PAPSS2: variants seen among roughly 807,000 people sequenced by gnomAD.
PAPSS2 encodes bifunctional 3'-phosphoadenosine 5'-phosphosulfate synthase 2.
Under a neutral mutation model 66.5 loss-of-function variants are expected in PAPSS2, and 61 were observed. The ratio of observed to expected loss-of-function variants is 0.92; its 90% confidence interval spans 0.75 to 1.14. PAPSS2 has a LOEUF of 1.14. Ranked by LOEUF, PAPSS2 falls within the 50% of genes most tolerant of loss-of-function variation. PAPSS2 has a pLI of 0.00. For missense variants in PAPSS2, 708 were observed against 789.6 expected (o/e 0.90, Z 1.24); for synonymous variants, 289 against 287.5 (o/e 1.01, Z -0.05).
chr10:87,710,201 A>G lies in PAPSS2; in HGVS notation c.145+888A>G, dbSNP rs564385273. 2.6e-5 allele frequency among the ~76,000 whole-genome samples: 4 copies of G among 152,336 alleles called. No homozygotes were observed. The South Asian group carries it at 8.3e-4, about 32-fold the overall frequency. On this transcript the variant is annotated intron_variant, in intron 2 of 12. Transcript: ENST00000456849. ...TCTGGCAGGTGGGGACCTGCCTTGC[A>G]TCTTTTCTTGCTGTCCTAAATCTTT...
chr10:87,667,585 T>G (rs1464404087), intron 1 of PAPSS2, among the ~76,000 whole-genome samples: 1 of 152,230 alleles, frequency 6.6e-6, no homozygotes, highest in Non-Finnish European at 1.5e-5. Flanking sequence ...ATAAAATGGA[T>G]TCCATCAGTT....
chr10:87,678,461 A>G (rs1271961223), intron 1 of PAPSS2, among the ~76,000 whole-genome samples: 1 of 152,198 alleles, frequency 6.6e-6, no homozygotes, highest in Admixed American at 6.5e-5. Context: ...ATATTAAACT[A>G]AAAAGCTTCT....
Position 87,666,279 on chromosome 10 carries a change from G to T in PAPSS2, c.27+6271G>T, listed in dbSNP as rs539629366. Among the ~76,000 whole-genome samples, 4 of 152,004 alleles carry T rather than the reference G, an allele frequency of 2.6e-5. No homozygotes were observed. The South Asian group carries it at 8.3e-4, about 32-fold the overall frequency. On this transcript the variant is annotated intron_variant, in intron 1 of 12. Coordinates refer to ENST00000456849, the MANE Select transcript of PAPSS2 (RefSeq NM_001015880.2). The stretch of plus-strand genomic sequence containing the variant: ...ATGCTCATCCTGTTGTTTTAAATTT[G>T]ATTATTTTATGTTATTACTAGCATT...
At chr10:87,704,295 G>A (rs1051523960) in intron 1 of PAPSS2, among the ~76,000 whole-genome samples, 1 of 152,172 alleles carries the variant, frequency 6.6e-6, no homozygotes, top group African/African-American at 2.4e-5. Flanking sequence ...CTATGTTAGA[G>A]TCATTCCTTC....
intron 10 of PAPSS2, among the ~76,000 whole-genome samples, chr10:87,743,105 G>T (rs555651678): frequency 2.6e-5 from 4 of 152,270 alleles, no homozygotes; most frequent in Non-Finnish European, 5.9e-5. Flanking sequence ...AATTAGCCGG[G>T]TGTGGTGGCA....
intron 9 of PAPSS2, among the ~76,000 whole-genome samples, chr10:87,737,086 T>C (rs1425920453): frequency 6.6e-6 from 1 of 152,118 alleles, no homozygotes; most frequent in Non-Finnish European, 1.5e-5. Flanking sequence ...AATTCTAGAG[T>C]TCTGGGTACC....
At chr10:87,683,559 G>A (rs936125440) in intron 1 of PAPSS2, among the ~76,000 whole-genome samples, 1 of 152,228 alleles carries the variant, frequency 6.6e-6, no homozygotes, top group Non-Finnish European at 1.5e-5. Context: ...AGGGTTCCTA[G>A]AAATGATGAT....
intron 8 of PAPSS2, among the ~76,000 whole-genome samples, chr10:87,726,689 T>G (rs952875592): frequency 7.9e-5 from 12 of 152,144 alleles, no homozygotes; most frequent in South Asian, 2.1e-4. Flanking sequence ...TGATTAGTAT[T>G]AAAAAAGACA....
chr10:87,661,318 A>G (rs1027341533), intron 1 of PAPSS2, among the ~76,000 whole-genome samples: 2 of 152,052 alleles, frequency 1.3e-5, no homozygotes, highest in Admixed American at 6.6e-5. Context: ...GGGAAGGGAC[A>G]TTTATCAAAA....
chr10:87,681,227 T>G (rs944621240), intron 1 of PAPSS2, among the ~76,000 whole-genome samples: 2 of 152,186 alleles, frequency 1.3e-5, no homozygotes, highest in African/African-American at 2.4e-5. Context: ...TATACCACCA[T>G]TTATTTCTCT....
chr10:87,727,630 C>A, intron 9 of PAPSS2, 141 bp downstream of exon 9: 1 of 778,680 alleles, frequency 1.3e-6, no homozygotes. Context: ...TGTTTGCAGG[C>A]TTTGCCTCAG....
intron 9 of PAPSS2, among the ~76,000 whole-genome samples, chr10:87,730,977 T>C (rs1853720828): frequency 6.6e-6 from 1 of 152,234 alleles, no homozygotes; most frequent in South Asian, 2.1e-4. Flanking sequence ...CTAAGATCAT[T>C]GATGTAGGTG....
rs1385067838 is a variant in PAPSS2, at chr10:87,706,102, A to G, written c.28-3094A>G. On this transcript the variant is annotated intron_variant, in intron 1 of 12. Transcript: ENST00000456849. ...TCACATGGTATATATATATATATAT[A>G]TATATATGTGTGTGTGTGTGTGTGT... 8.9e-3 allele frequency among the ~76,000 whole-genome samples: 700 copies of G among 78,288 alleles called. 24 individuals carry two copies. Among genetic ancestry groups the G allele is most frequent in the African/African-American group, 0.053 (637 of 11,982 alleles). The allele number at this position is 78,288 out of a possible 152,430, so 51.4% of individuals were successfully genotyped here.
chr10:87,743,500 C>T lies in PAPSS2; in HGVS notation c.1350C>T (p.Gly450=), dbSNP rs139998869. ...KHPVLLLHPL[G]GWTKDDDVPL... is the part of the protein sequence containing the mutation. ...CGGTCCTCCTACTACACCCTCTGGG[C>T]GGCTGGACCAAGGATGACGATGTGC... is the stretch of plus-strand genomic sequence containing the variant. The change falls in exon 11 of 13, where the codon GGC becomes GGT. Residue 450 remains glycine (G), a synonymous_variant. Coordinates refer to ENST00000456849, the MANE Select transcript of PAPSS2 (RefSeq NM_001015880.2). 1,373 of 1,614,110 alleles carry T rather than the reference C, an allele frequency of 8.5e-4. 2 individuals are homozygous for T. Among genetic ancestry groups the T allele is most frequent in the Non-Finnish European group, 1.1e-3 (1,255 of 1,180,004 alleles).
chr10:87,675,511 A>T (rs911522711), intron 1 of PAPSS2, among the ~76,000 whole-genome samples: 2 of 134,150 alleles, frequency 1.5e-5, no homozygotes, highest in Non-Finnish European at 3.5e-5. Context: ...CACATTTATT[A>T]TTCATGTATA....
intron 1 of PAPSS2, among the ~76,000 whole-genome samples, chr10:87,676,480 A>C (rs1452793681): frequency 6.6e-6 from 1 of 152,174 alleles, no homozygotes; most frequent in African/African-American, 2.4e-5. Context: ...TAAGTACCTC[A>C]AGGGCAGAAA....
intron 1 of PAPSS2, among the ~76,000 whole-genome samples, chr10:87,692,605 T>C (rs181372375): frequency 2.6e-5 from 4 of 152,302 alleles, no homozygotes; most frequent in Admixed American, 2.0e-4. Context: ...TTTTAGAGAT[T>C]ATTGGCTGCT....
intron 1 of PAPSS2, among the ~76,000 whole-genome samples, chr10:87,706,108 ATGTGTGTGTGTGTGTGTGTGTGTG>A (rs150079044): frequency 2.3e-4 from 12 of 51,944 alleles, no homozygotes; most frequent in South Asian, 1.4e-3. Flanking sequence ...ATATATATAT[ATGTGTGTGTGTGTGTGTGTGTGTG>A]TGTGTGTGTA....
chr10:87,734,661 G>GTGTGTA (rs1853770741), intron 9 of PAPSS2, among the ~76,000 whole-genome samples: 1 of 90,378 alleles, frequency 1.1e-5, no homozygotes, highest in African/African-American at 4.7e-5. Flanking sequence ...ATGAATGTGT[G>GTGTGTA]TGTATATATA....
Sources: gnomAD v4.1 joint callset for allele counts (sites outside exome capture counted in the v4.1 genomes callset) on GRCh38, gnomAD v4.1.1 for gene constraint, MANE v1.5 for transcripts, NCBI Gene and HGNC (gene_info 2026-07-23, HGNC 2026-07-21) for gene names.